YAP1: variants seen among roughly 807,000 people sequenced by gnomAD.
YAP1 encodes the protein Yes1 associated transcriptional regulator.
In YAP1, 5 loss-of-function variants were observed where a neutral mutation model predicts 56.9. The ratio of observed to expected loss-of-function variants is 0.09; its 90% CI spans 0.05 to 0.18. The LOEUF (loss-of-function observed/expected upper bound fraction) is 0.18. YAP1 is among the 10% of genes least tolerant of loss of function. The probability of loss-of-function intolerance (pLI) is 1.00; values close to 1 mark genes in which losing one functional copy is unlikely to be tolerated. For missense variants in YAP1, 539 were observed against 651.8 expected (o/e 0.83, Z 1.88); for synonymous variants, 265 against 248.1 (o/e 1.07, Z -0.64).
rs138334227 is a variant in YAP1 at position 102,131,279 on chromosome 11, A to C, written c.572+16885A>C. Reference sequence around the variant, plus strand: ...TCCTGCCATTCTTTTCTGTGAACTCACTATAAGTGCTTTTGATCTCTTGAT... The same window carrying C: ...TCCTGCCATTCTTTTCTGTGAACTCCCTATAAGTGCTTTTGATCTCTTGAT... On this transcript the variant is annotated intron_variant, in intron 2 of 8. Coordinates refer to ENST00000282441, the MANE Select transcript of YAP1 (RefSeq NM_001130145.3). 5.8e-3 allele frequency among the ~76,000 whole-genome samples: 881 copies of C among 152,248 alleles called. 9 individuals carry two copies. Among genetic ancestry groups the C allele is most frequent in the African/African-American group, 0.02 (842 of 41,542 alleles).
rs1310449692 is a variant in YAP1 at position 102,205,930 on chromosome 11, A to G, written c.840A>G (p.Lys280=). ...NQRISQSAPV[K]QPPPLAPQSP... is the part of the protein sequence containing the mutation. ...GAATCAGTCAGAGTGCTCCAGTGAAACAGCCACCACCCCTGGCTCCCCAGA... is the reference window on the plus strand; with the variant it reads ...GAATCAGTCAGAGTGCTCCAGTGAAGCAGCCACCACCCCTGGCTCCCCAGA... Residue 280 remains lysine (K), a synonymous_variant, in exon 5 of 9, where the codon AAA becomes AAG. Transcript: ENST00000282441. The G allele has an allele frequency of 6.2e-7, 1 of 1,604,924 alleles. No individual in the cohort carries two copies. The highest frequency in any genetic ancestry group is 1.1e-5 in the South Asian group (1 of 89,820).
At chr11:102,209,610 GATATT>G in intron 6 of YAP1, 46 bp downstream of exon 6, 1 of 1,215,450 alleles carries the variant, frequency 8.2e-7, no homozygotes. Flanking sequence ...AAAAAAAAAA[GATATT>G]AAATTAGGAA....
At chr11:102,216,504 T>A (rs546775455) in intron 6 of YAP1, among the ~76,000 whole-genome samples, 2 of 152,190 alleles carry the variant, frequency 1.3e-5, no homozygotes, top group Non-Finnish European at 2.9e-5. Flanking sequence ...ATAATGTAAT[T>A]TTATCAAAAC....
intron 2 of YAP1, among the ~76,000 whole-genome samples, chr11:102,147,205 T>C (rs1461277788): frequency 2.0e-5 from 3 of 152,198 alleles, no homozygotes; most frequent in African/African-American, 7.2e-5. Flanking sequence ...TATTTGAATG[T>C]TTATTTAACC....
rs376730134 is a variant in YAP1, at chr11:102,120,098, A to G, written c.572+5704A>G. Among the ~76,000 whole-genome samples the G allele has an allele frequency of 1.3e-4, 20 of 152,338 alleles. No homozygotes were observed. In the South Asian group the frequency reaches 2.9e-3, roughly 22 times the overall value. On this transcript the variant is annotated intron_variant, in intron 2 of 8. Coordinates refer to ENST00000282441, the MANE Select transcript of YAP1 (RefSeq NM_001130145.3). The stretch of plus-strand genomic sequence containing the variant: ...TCTGATTCTAGGATTAATCAGAACT[A>G]CAAGCCATGAAAGGGACATTGCCGT...
At chr11:102,172,942 A>T (rs1016846722) in intron 3 of YAP1, among the ~76,000 whole-genome samples, 1 of 152,186 alleles carries the variant, frequency 6.6e-6, no homozygotes, top group Non-Finnish European at 1.5e-5. Flanking sequence ...GAACAGCAAA[A>T]AGGCCACTGC....
intron 2 of YAP1, among the ~76,000 whole-genome samples, chr11:102,160,568 C>T (rs1214169743): frequency 6.6e-6 from 1 of 152,172 alleles, no homozygotes; most frequent in Non-Finnish European, 1.5e-5. Context: ...AAATTCTACT[C>T]GGCTAGTAGC....
chr11:102,155,988 T>G (rs1245144699), intron 2 of YAP1, among the ~76,000 whole-genome samples: 2 of 152,182 alleles, frequency 1.3e-5, no homozygotes, highest in African/African-American at 4.8e-5. Context: ...CTAAGTCATG[T>G]CATGACAAAT....
intron 4 of YAP1, 22 bp from the exon 5 acceptor site, chr11:102,205,871 T>A (rs1591415247): frequency 6.8e-7 from 1 of 1,473,740 alleles, no homozygotes; most frequent in Non-Finnish European, 9.0e-7. Context: ...TAGGACAGAT[T>A]TTTTTTTTCT....
At chr11:102,164,603 A>G (rs1407800708) in intron 3 of YAP1, among the ~76,000 whole-genome samples, 2 of 152,148 alleles carry the variant, frequency 1.3e-5, no homozygotes, top group Non-Finnish European at 2.9e-5. Context: ...CTTTTAGAAC[A>G]TTGCTTTGGT....
At chr11:102,220,675 G>C (rs1437210489) in intron 6 of YAP1, among the ~76,000 whole-genome samples, 1 of 152,136 alleles carries the variant, frequency 6.6e-6, no homozygotes, top group Non-Finnish European at 1.5e-5. Flanking sequence ...TCTGAGGTTG[G>C]AGGGCTGGTA....
intron 2 of YAP1, among the ~76,000 whole-genome samples, chr11:102,136,292 T>G (rs1005207638): frequency 1.3e-5 from 2 of 152,152 alleles, no homozygotes; most frequent in Admixed American, 1.3e-4. Flanking sequence ...TTTTCCTGTA[T>G]GATAACTGCT....
At chr11:102,151,885 T>C (rs1945677578) in intron 2 of YAP1, among the ~76,000 whole-genome samples, 1 of 152,154 alleles carries the variant, frequency 6.6e-6, no homozygotes, top group Non-Finnish European at 1.5e-5. Context: ...GTTTTAATTA[T>C]GTACAGAGTG....
chr11:102,112,482 C>T, intron 1 of YAP1: 1 of 955,184 alleles, frequency 1.0e-6, no homozygotes, highest in South Asian at 5.0e-5. Flanking sequence ...AGCATAGGAA[C>T]TTTGCCCAAA....
intron 1 of YAP1, among the ~76,000 whole-genome samples, chr11:102,113,313 C>T (rs1455743476): frequency 6.6e-6 from 1 of 151,586 alleles, no homozygotes; most frequent in Non-Finnish European, 1.5e-5. Flanking sequence ...CATATACATC[C>T]ATTTTTCTAT....
intron 2 of YAP1, among the ~76,000 whole-genome samples, chr11:102,158,216 T>C (rs1209682791): frequency 6.6e-6 from 1 of 152,218 alleles, no homozygotes; most frequent in Non-Finnish European, 1.5e-5. Flanking sequence ...ACAATATAGT[T>C]AGGTTTAAGT....
At chr11:102,202,828 G>A in intron 4 of YAP1, among the ~76,000 whole-genome samples, 1 of 152,154 alleles carries the variant, frequency 6.6e-6, no homozygotes, top group East Asian at 1.9e-4. Context: ...TTATCATGAA[G>A]ACAGTCATCT....
At chr11:102,145,704 C>A (rs1945286539) in intron 2 of YAP1, among the ~76,000 whole-genome samples, 1 of 152,192 alleles carries the variant, frequency 6.6e-6, no homozygotes, top group Non-Finnish European at 1.5e-5. Context: ...TTAGTTTGAA[C>A]TGTTCAAAAT....
chr11:102,114,053 TTCGGCTGCAATTAAGCGCTGACTGGGAA>T, intron 1 of YAP1, 63 bp from the exon 2 acceptor site: 1 of 1,382,368 alleles, frequency 7.2e-7, no homozygotes, highest in Non-Finnish European at 9.6e-7. Context: ...TACTTAGATA[TTCGGCTGCAATTAAGCGCTGACTGGGAA>T]ATTTAAAGGG....
Sources: gnomAD v4.1 joint callset for allele counts (sites outside exome capture counted in the v4.1 genomes callset) on GRCh38, gnomAD v4.1.1 for gene constraint, MANE v1.5 for transcripts, NCBI Gene and HGNC (gene_info 2026-07-23, HGNC 2026-07-21) for gene names.